Variants in TENM3 observed in about 807,000 individuals in gnomAD.
TENM3 encodes teneurin transmembrane protein 3.
A neutral mutation model predicts 255.1 loss-of-function variants in TENM3; 63 were observed. The observed-to-expected ratio is 0.25, with a 90% CI of 0.20 to 0.30. The LOEUF is 0.30. Ranked by LOEUF, TENM3 falls within the 10% of genes least tolerant of loss-of-function variation. The probability of loss-of-function intolerance (pLI) is 1.00; values close to 1 mark genes in which losing one functional copy is unlikely to be tolerated. For missense variants in TENM3, 2,929 were observed against 3,461.1 expected (o/e 0.85, Z 3.86); for synonymous variants, 1,306 against 1,322.3 (o/e 0.99, Z 0.27).
At chr4:181,565,179 A>G in the TENM3 span, among the ~76,000 whole-genome samples, 1 of 152,206 alleles carries the variant, frequency 6.6e-6, no homozygotes, top group East Asian at 1.9e-4. Context: ...CCTGAGTTAA[A>G]GACTGCTCTT....
chr4:182,421,798 T>C (rs1352322943), intron 3 of TENM3, among the ~76,000 whole-genome samples: 1 of 152,196 alleles, frequency 6.6e-6, no homozygotes, highest in Non-Finnish European at 1.5e-5. Context: ...ATTCAATTCT[T>C]GATTTGCAAC....
chr4:181,852,366 G>A, the TENM3 span, among the ~76,000 whole-genome samples: 145,510 of 152,262 alleles, frequency 0.96, 69,890 homozygotes, highest in East Asian at 1. Flanking sequence ...GGCAGGTGCT[G>A]GGTTCAGGTC....
chr4:181,490,785 C>A, the TENM3 span, among the ~76,000 whole-genome samples: 1 of 152,016 alleles, frequency 6.6e-6, no homozygotes, highest in Admixed American at 6.6e-5. Context: ...AAATGAGAAT[C>A]TATAATGTGA....
At chr4:182,079,794 C>T in the TENM3 span, 1 of 152,304 alleles carries the variant, frequency 6.6e-6, no homozygotes, top group Non-Finnish European at 1.5e-5. Flanking sequence ...AATTTCGTTT[C>T]GTTCTGAGAG....
intron 1 of TENM3, among the ~76,000 whole-genome samples, chr4:182,203,000 G>C (rs2149838349): frequency 6.6e-6 from 1 of 152,166 alleles, no homozygotes; most frequent in Middle Eastern, 3.4e-3. Flanking sequence ...TGGGTCACCT[G>C]AGGTCAGGAG....
chr4:182,219,381 C>A (rs1426567766), intron 1 of TENM3, among the ~76,000 whole-genome samples: 1 of 152,136 alleles, frequency 6.6e-6, no homozygotes, highest in East Asian at 1.9e-4. Flanking sequence ...TGAAAGCTTC[C>A]ATTCTAATGA....
At chr4:181,839,049 C>T in the TENM3 span, among the ~76,000 whole-genome samples, 1 of 151,402 alleles carries the variant, frequency 6.6e-6, no homozygotes, top group Non-Finnish European at 1.5e-5. Flanking sequence ...TTGGGTAAAT[C>T]GGTAATGAAA....
intron 1 of TENM3, among the ~76,000 whole-genome samples, chr4:182,209,333 T>A (rs1754822220): frequency 6.7e-6 from 1 of 149,088 alleles, no homozygotes; most frequent in Admixed American, 6.7e-5. Context: ...CTACCTCCCA[T>A]CCCATCCCCC....
At chr4:182,358,678 A>C (rs1298214751) in intron 3 of TENM3, among the ~76,000 whole-genome samples, 1 of 149,930 alleles carries the variant, frequency 6.7e-6, no homozygotes, top group Non-Finnish European at 1.5e-5. Context: ...GGACAATTTG[A>C]CTTCCTCTTT....
intron 2 of TENM3, among the ~76,000 whole-genome samples, chr4:182,344,060 G>A (rs1221623723): frequency 6.6e-6 from 1 of 151,298 alleles, no homozygotes; most frequent in Non-Finnish European, 1.5e-5. Context: ...TATTAATTAC[G>A]TTTGTCAAGG....
At chr4:182,339,682 G>C (rs911371276) in intron 2 of TENM3, among the ~76,000 whole-genome samples, 1 of 152,064 alleles carries the variant, frequency 6.6e-6, no homozygotes, top group African/African-American at 2.4e-5. Flanking sequence ...GCCCATTTTG[G>C]ATCCACAGTG....
intron 25 of TENM3, among the ~76,000 whole-genome samples, chr4:182,790,472 C>A (rs1392768337): frequency 6.6e-6 from 1 of 152,204 alleles, no homozygotes; most frequent in Non-Finnish European, 1.5e-5. Flanking sequence ...CTAATTCCAG[C>A]CGGCGCCTGC....
the TENM3 span, among the ~76,000 whole-genome samples, chr4:181,516,965 G>C: frequency 2.0e-5 from 3 of 152,098 alleles, no homozygotes; most frequent in African/African-American, 7.2e-5. Flanking sequence ...AATCTCTGCA[G>C]CCTGATTCCA....
intron 3 of TENM3, among the ~76,000 whole-genome samples, chr4:182,446,282 A>C (rs989036266): frequency 2.0e-5 from 3 of 152,216 alleles, no homozygotes; most frequent in Non-Finnish European, 2.9e-5. Context: ...CTAGATATAC[A>C]TGTAGAATAC....
chr4:181,593,067 C>T, the TENM3 span, among the ~76,000 whole-genome samples: 1 of 152,184 alleles, frequency 6.6e-6, no homozygotes, highest in East Asian at 1.9e-4. Context: ...GTTTTCTTCA[C>T]TTCTTGAAGC....
chr4:182,257,991 A>C (rs571591244), intron 1 of TENM3, among the ~76,000 whole-genome samples: 9 of 152,166 alleles, frequency 5.9e-5, no homozygotes, highest in Non-Finnish European at 1.2e-4. Context: ...TCCTGATTGA[A>C]AAATATTCTC....
At chr4:181,814,043 A>T in the TENM3 span, among the ~76,000 whole-genome samples, 1 of 152,242 alleles carries the variant, frequency 6.6e-6, no homozygotes, top group Non-Finnish European at 1.5e-5. Flanking sequence ...AACAAAGTCA[A>T]GTATTTCAAT....
chr4:182,475,985 A>G (rs1048355156), intron 3 of TENM3, among the ~76,000 whole-genome samples: 1 of 152,228 alleles, frequency 6.6e-6, no homozygotes, highest in African/African-American at 2.4e-5. Context: ...AGTGGAATAT[A>G]TGGGACAGTA....
chr4:182,387,812 C>T (rs774120019), intron 3 of TENM3, among the ~76,000 whole-genome samples: 4 of 151,910 alleles, frequency 2.6e-5, no homozygotes, highest in African/African-American at 4.8e-5. Flanking sequence ...AGACTCCAGA[C>T]GCGCCACCTT....
Sources: gnomAD v4.1 joint callset for allele counts (sites outside exome capture counted in the v4.1 genomes callset) on GRCh38, gnomAD v4.1.1 for gene constraint, MANE v1.5 for transcripts, NCBI Gene and HGNC (gene_info 2026-07-23, HGNC 2026-07-21) for gene names.